MAN1A1: variants seen among roughly 807,000 people sequenced by gnomAD.
The protein encoded by MAN1A1 is mannosyl-oligosaccharide 1,2-alpha-mannosidase IA.
Under a neutral mutation model 70.8 loss-of-function variants are expected in MAN1A1, and 29 were observed. That is an observed-to-expected ratio of 0.41 (90% CI 0.31 to 0.56). The LOEUF is 0.56. Ranked by LOEUF, MAN1A1 falls within the 20% of genes least tolerant of loss-of-function variation. MAN1A1 has a pLI of 0.29. For synonymous variants in MAN1A1, 349 were observed against 330.1 expected (o/e 1.06, Z -0.62); for missense variants, 747 against 841.3 (o/e 0.89, Z 1.39).
At chr6:119,328,517 AG>A (rs1184214140) in intron 2 of MAN1A1, among the ~76,000 whole-genome samples, 1 of 151,376 alleles carries the variant, frequency 6.6e-6, no homozygotes, top group Admixed American at 6.6e-5. Flanking sequence ...GAAAGTAGTA[AG>A]TAGGTTAAAA....
At chr6:119,201,595 G>A (rs1773714655) in intron 7 of MAN1A1, among the ~76,000 whole-genome samples, 1 of 152,158 alleles carries the variant, frequency 6.6e-6, no homozygotes, top group Admixed American at 6.6e-5. Context: ...CACACTCTTA[G>A]AATTGTGCAT....
intron 6 of MAN1A1, among the ~76,000 whole-genome samples, chr6:119,211,852 T>C (rs957566620): frequency 2.0e-5 from 3 of 151,752 alleles, no homozygotes; most frequent in South Asian, 2.1e-4. Context: ...GAATTTTTTT[T>C]TTTTTTTGAG....
intron 5 of MAN1A1, among the ~76,000 whole-genome samples, chr6:119,289,087 C>G (rs1776461152): frequency 6.6e-6 from 1 of 151,146 alleles, no homozygotes; most frequent in South Asian, 2.1e-4. Flanking sequence ...ATATACATAT[C>G]AAGTATACAC....
chr6:119,260,976 G>GCTT lies in MAN1A1; in HGVS notation c.898-12623_898-12622insAAG, dbSNP rs1554209499. On this transcript the variant is annotated intron_variant, in intron 5 of 12. Coordinates refer to ENST00000368468, the MANE Select transcript of MAN1A1 (RefSeq NM_005907.4). The stretch of plus-strand genomic sequence containing the variant: ...TATCTAAATGTCTTGTTTTTTTATT[G>GCTT]TTTTTTTTTTTTTTTTTTTTGAGAT... 2.2e-4 allele frequency among the ~76,000 whole-genome samples: 26 copies of GCTT among 116,938 alleles called. 8 individuals are homozygous for GCTT. Among genetic ancestry groups the GCTT allele is most frequent in the Non-Finnish European group, 3.0e-4 (18 of 59,048 alleles). The allele number at this position is 116,938 out of a possible 152,430, so 76.7% of individuals were successfully genotyped here. A position where few individuals can be genotyped will look rare whatever the true frequency, so the allele number is the denominator to read the frequency against.
At chr6:119,272,458 C>CTA (rs1408378971) in intron 5 of MAN1A1, among the ~76,000 whole-genome samples, 1 of 152,152 alleles carries the variant, frequency 6.6e-6, no homozygotes, top group African/African-American at 2.4e-5. Context: ...TATGCCTTTC[C>CTA]TAACACCTTT....
chr6:119,282,045 C>T (rs966083764), intron 5 of MAN1A1, among the ~76,000 whole-genome samples: 2 of 152,024 alleles, frequency 1.3e-5, no homozygotes, highest in African/African-American at 2.4e-5. Context: ...CCAGCCTGGG[C>T]GGCAGAGCAA....
chr6:119,320,258 C>CTGTATCTTCTCTTAAGG, intron 2 of MAN1A1, among the ~76,000 whole-genome samples: 1 of 152,282 alleles, frequency 6.6e-6, no homozygotes, highest in Non-Finnish European at 1.5e-5. Context: ...AGGCATGAGC[C>CTGTATCTTCTCTTAAGG]ACTGTGCCCG....
chr6:119,299,338 T>C (rs1302463852), intron 4 of MAN1A1, among the ~76,000 whole-genome samples: 12 of 152,194 alleles, frequency 7.9e-5, no homozygotes, highest in African/African-American at 2.6e-4. Context: ...AAGGAAAACA[T>C]GGTAATACCC....
chr6:119,305,109 C>G (rs892589200), intron 3 of MAN1A1, among the ~76,000 whole-genome samples: 3 of 152,032 alleles, frequency 2.0e-5, no homozygotes, highest in African/African-American at 4.8e-5. Context: ...TATGCTAATA[C>G]CTGAAGCTCT....
At chr6:119,288,909 C>A (rs966461241) in intron 5 of MAN1A1, among the ~76,000 whole-genome samples, 3 of 151,480 alleles carry the variant, frequency 2.0e-5, no homozygotes, top group African/African-American at 7.3e-5. Context: ...GTGATAATGG[C>A]AAAACAGACT....
At chr6:119,187,251 C>T (rs1773315914) in intron 11 of MAN1A1, among the ~76,000 whole-genome samples, 2 of 152,150 alleles carry the variant, frequency 1.3e-5, no homozygotes, top group Admixed American at 1.3e-4. Context: ...TTTGATGGAA[C>T]ACACCATTCC....
At chr6:119,204,209 TG>T (rs1562190630) in intron 7 of MAN1A1, among the ~76,000 whole-genome samples, 1 of 152,204 alleles carries the variant, frequency 6.6e-6, no homozygotes, top group East Asian at 1.9e-4. Flanking sequence ...CAGGTGTGGC[TG>T]GGGGAAAAGT....
At chr6:119,195,621 G>C (rs1773547797) in intron 8 of MAN1A1, among the ~76,000 whole-genome samples, 1 of 152,182 alleles carries the variant, frequency 6.6e-6, no homozygotes, top group African/African-American at 2.4e-5. Context: ...AGAGGGCAGA[G>C]ACCAGACCTA....
chr6:119,266,568 T>C (rs1338700901), intron 5 of MAN1A1, among the ~76,000 whole-genome samples: 4 of 152,128 alleles, frequency 2.6e-5, no homozygotes, highest in Non-Finnish European at 5.9e-5. Context: ...ACACAGACCT[T>C]ATACCTTTCA....
At position 119,348,773 on chromosome 6, in the gene MAN1A1, G is replaced by A; in HGVS notation, c.293C>T (p.Ala98Val). The A allele has an allele frequency of 6.8e-7, 1 of 1,459,924 alleles. No individual in the cohort carries two copies. The highest frequency in any genetic ancestry group is 1.4e-5 in the South Asian group (1 of 68,968). 90.4% of individuals were successfully genotyped at this position (1,459,924 alleles called of 1,614,324 possible). A position where few individuals can be genotyped will look rare whatever the true frequency, so the allele number is the denominator to read the frequency against. ...PGPGARAEDA[A>V]EGRARRREEG... ...CTCGCGGCGCCGGGCTCGCCCCTCG[G>A]CCGCGTCCTCGGCGCGCGCCCCGGG... The change falls in exon 2 of 13, where the codon GCC becomes GTC. Residue 98 changes from alanine (A) to valine (V), a missense_variant. This residue lies in a region of MAN1A1 where 328 missense variants were observed against 293.1 expected (regional missense o/e 1.12). Coordinates refer to ENST00000368468, the MANE Select transcript of MAN1A1 (RefSeq NM_005907.4).
At chr6:119,194,471 G>A (rs1237604639) in intron 8 of MAN1A1, among the ~76,000 whole-genome samples, 1 of 151,948 alleles carries the variant, frequency 6.6e-6, no homozygotes, top group Non-Finnish European at 1.5e-5. Context: ...CTACAGGCAC[G>A]CATCACCACG....
At chr6:119,202,101 A>G (rs1562189642) in intron 7 of MAN1A1, among the ~76,000 whole-genome samples, 4 of 152,188 alleles carry the variant, frequency 2.6e-5, no homozygotes, top group Non-Finnish European at 5.9e-5. Context: ...ACGTTAGTTT[A>G]CTGTAATTTT....
chr6:119,250,648 C>CTG (rs71015031), intron 5 of MAN1A1, among the ~76,000 whole-genome samples: 51,593 of 148,330 alleles, frequency 0.35, 9,104 homozygotes, highest in Non-Finnish European at 0.41. Flanking sequence ...TGTTCTCTCT[C>CTG]TGTGTGTGTG....
At chr6:119,349,965 G>GAGGCGCGAGGT (rs1271054407), upstream of MAN1A1, among the ~76,000 whole-genome samples, 1 of 152,128 alleles carries the variant, frequency 6.6e-6, no homozygotes, top group Non-Finnish European at 1.5e-5. Flanking sequence ...GCGGGGCCGG[G>GAGGCGCGAGGT]AGGCGCGAGG....
Sources: gnomAD v4.1 joint callset for allele counts (sites outside exome capture counted in the v4.1 genomes callset) on GRCh38, gnomAD v4.1.1 for gene constraint, gnomAD v4.1.1 regional missense constraint, MANE v1.5 for transcripts, NCBI Gene and HGNC (gene_info 2026-07-23, HGNC 2026-07-21) for gene names.